Variants in ZNF451 observed in about 807,000 individuals in gnomAD.
ZNF451 encodes the protein zinc finger protein 451, also known as E3 SUMO-protein ligase ZNF451.
Under a neutral mutation model 107.1 loss-of-function variants are expected in ZNF451, and 80 were observed. The ratio of observed to expected loss-of-function variants is 0.75; its 90% CI spans 0.62 to 0.90. The LOEUF (loss-of-function observed/expected upper bound fraction) is 0.90, where lower values mean the gene tolerates loss of function less well. ZNF451 is among the 40% of genes least tolerant of loss of function. The pLI, the probability that ZNF451 is intolerant of heterozygous loss-of-function variation, is 0.00. For synonymous variants in ZNF451, 362 were observed against 406.5 expected (o/e 0.89, Z 1.32); for missense variants, 1,107 against 1,236.2 (o/e 0.90, Z 1.57).
At chr6:57,157,777 T>C (rs1046813085) in intron 13 of ZNF451, among the ~76,000 whole-genome samples, 12 of 152,200 alleles carry the variant, frequency 7.9e-5, no homozygotes, top group African/African-American at 2.2e-4. Flanking sequence ...AGACCATTTA[T>C]ATTTTATTCC....
At chr6:57,113,077 G>A (rs970721236) in intron 3 of ZNF451, among the ~76,000 whole-genome samples, 1 of 151,980 alleles carries the variant, frequency 6.6e-6, no homozygotes, top group African/African-American at 2.4e-5. Flanking sequence ...GGGGTTTGGG[G>A]TACAGATTAT....
In ZNF451 at chr6:57,170,248, A is replaced by G. The variant is rs980536950; in HGVS notation, c.*1779A>G. The G allele has an allele frequency of 6.6e-6, 1 of 152,250 alleles. No homozygotes were observed. The highest frequency in any genetic ancestry group is 1.5e-5 in the Non-Finnish European group (1 of 68,044). 9.4% of individuals were successfully genotyped at this position (152,250 alleles called of 1,614,324 possible). ...CACAAGGAGATGTAATCGCTGTGTAACATCAGAGAAAGCTATATGGATTAT... is the reference window on the plus strand; with the variant it reads ...CACAAGGAGATGTAATCGCTGTGTAGCATCAGAGAAAGCTATATGGATTAT... On this transcript the variant is annotated 3_prime_UTR_variant, in exon 15 of 15. Coordinates refer to ENST00000370706, the MANE Select transcript of ZNF451 (RefSeq NM_001031623.3).
In ZNF451 at chr6:57,141,953, A is replaced by G; in HGVS notation, c.862A>G (p.Lys288Glu). 6.2e-7 allele frequency: 1 copy of G among 1,613,064 alleles called. No individual in the cohort carries two copies. The highest frequency in any genetic ancestry group is 8.5e-7 in the Non-Finnish European group (1 of 1,179,278). Residue 288 changes from lysine (K) to glutamate (E), a missense_variant, in exon 9 of 15, where the codon AAA (lysine) becomes GAA (glutamate). Lys to Glu is a moderately conservative substitution (Grantham distance 56, BLOSUM62 1). Transcript: ENST00000370706. The part of the protein sequence containing the change: ...FHQSFKLGDN[K>E]GIAHPISFPS... ...TAGTTTATTTTGTCTTTCAGATAAC[A>G]AAGGAATTGCACATCCAATATCTTT...
chr6:57,122,945 C>T (rs753963907), intron 3 of ZNF451, among the ~76,000 whole-genome samples: 14 of 152,056 alleles, frequency 9.2e-5, no homozygotes, highest in Non-Finnish European at 1.8e-4. Flanking sequence ...GAGGCTGAGG[C>T]GGGAGGATCA....
intron 3 of ZNF451, chr6:57,104,976 A>G: frequency 1.0e-6 from 1 of 984,096 alleles, no homozygotes; most frequent in Non-Finnish European, 1.2e-6. Flanking sequence ...TCTTGATTGC[A>G]AAAGAAATAT....
intron 13 of ZNF451, among the ~76,000 whole-genome samples, chr6:57,155,220 T>A (rs1763354504): frequency 6.6e-6 from 1 of 152,098 alleles, no homozygotes; most frequent in African/African-American, 2.4e-5. Context: ...GTGCAGTGGC[T>A]CACACCTGTA....
chr6:57,092,712 A>T (rs1275524127), intron 2 of ZNF451: 1 of 152,174 alleles, frequency 6.6e-6, no homozygotes, highest in African/African-American at 2.4e-5. Context: ...AAAAATGAGT[A>T]TTGTGATGTT....
chr6:57,124,619 G>C (rs891692841), intron 3 of ZNF451, 115 bp from the exon 4 acceptor site: 1 of 781,398 alleles, frequency 1.3e-6, no homozygotes, highest in Non-Finnish European at 2.1e-6. Flanking sequence ...ACACAAAATA[G>C]GTTCTTATAA....
chr6:57,155,289 C>T (rs956086914), intron 13 of ZNF451, among the ~76,000 whole-genome samples: 2 of 152,106 alleles, frequency 1.3e-5, no homozygotes, highest in African/African-American at 4.8e-5. Flanking sequence ...AGTTCAAGAC[C>T]AGCCTGGTCA....
At position 57,111,520 on chromosome 6, in the gene ZNF451, G is replaced by A. The variant is rs141282831; in HGVS notation, c.186+12379G>A. Among the ~76,000 whole-genome samples the A allele has an allele frequency of 4.6e-5, 7 of 151,892 alleles. No homozygotes were observed. The East Asian group carries it at 1.2e-3, about 25-fold the overall frequency. ...CTCAGCCTCCCGAGTAGCTGGAATC[G>A]CAGGCACCTGCCACCATGCTCAACT... On this transcript the variant is annotated intron_variant, in intron 3 of 14. Transcript: ENST00000370706.
At chr6:57,102,138 A>G (rs1829629902) in intron 3 of ZNF451, 2 of 1,457,196 alleles carry the variant, frequency 1.4e-6, no homozygotes, top group Admixed American at 2.8e-5. Flanking sequence ...TCAAGATCCT[A>G]ACTATTTTAC....
chr6:57,158,668 C>T (rs1330584358), intron 13 of ZNF451: 2 of 985,290 alleles, frequency 2.0e-6, no homozygotes, highest in Non-Finnish European at 2.4e-6. Context: ...TTCCAGGGCA[C>T]ACAGAAGTTA....
chr6:57,162,946 T>C (rs1019331590), intron 14 of ZNF451, among the ~76,000 whole-genome samples: 1 of 152,188 alleles, frequency 6.6e-6, no homozygotes, highest in South Asian at 2.1e-4. Context: ...CTAGTTGTCA[T>C]AGTTAAAATA....
At chr6:57,134,932 G>T (rs912705066) in intron 7 of ZNF451, 62 bp downstream of exon 7, 19 of 1,407,296 alleles carry the variant, frequency 1.4e-5, no homozygotes, top group African/African-American at 1.4e-5. Flanking sequence ...TTAAGTGGAG[G>T]TTTTTTCCTG....
chr6:57,107,347 C>G (rs1390878597), intron 3 of ZNF451: 1 of 983,074 alleles, frequency 1.0e-6, no homozygotes, highest in African/African-American at 1.8e-5. Flanking sequence ...ATTTAAATAC[C>G]ATGTCTTTAA....
intron 13 of ZNF451, among the ~76,000 whole-genome samples, chr6:57,156,177 A>C (rs985200357): frequency 6.6e-6 from 1 of 152,152 alleles, no homozygotes; most frequent in Admixed American, 6.5e-5. Flanking sequence ...TAGCCACTAC[A>C]TTTTTAATGT....
chr6:57,150,433 T>A (rs1392104094), intron 10 of ZNF451: 2 of 241,016 alleles, frequency 8.3e-6, no homozygotes, highest in Admixed American at 1.1e-4. Context: ...TTAAAAAAAT[T>A]CCTTGTATAA....
intron 7 of ZNF451, among the ~76,000 whole-genome samples, chr6:57,138,777 A>G (rs183726859): frequency 0.15 from 11,523 of 77,206 alleles, 753 homozygotes; most frequent in African/African-American, 0.21. Context: ...GTGTGTGTGT[A>G]TATATATATA....
In ZNF451 at chr6:57,104,809, T is replaced by TA. The variant is rs1409551135; in HGVS notation, c.186+5669dup. ...ATCCTTTCTTAGTTACTCTAACTGATATGCCCAAGTGTCTCCAGATACTCT... is the reference window on the plus strand; with the variant it reads ...ATCCTTTCTTAGTTACTCTAACTGATAATGCCCAAGTGTCTCCAGATACTCT... On this transcript the variant is annotated intron_variant, in intron 3 of 14. Transcript: ENST00000370706. 7 of 985,442 alleles carry TA rather than the reference T, an allele frequency of 7.1e-6. No individual in the cohort carries two copies. The East Asian group carries it at 6.8e-4, about 96-fold the overall frequency. 61.0% of individuals were successfully genotyped at this position (985,442 alleles called of 1,614,324 possible). A position where few individuals can be genotyped will look rare whatever the true frequency, so the allele number is the denominator to read the frequency against.
Sources: gnomAD v4.1 joint callset for allele counts (sites outside exome capture counted in the v4.1 genomes callset) on GRCh38, gnomAD v4.1.1 for gene constraint, MANE v1.5 for transcripts, NCBI Gene and HGNC (gene_info 2026-07-23, HGNC 2026-07-21) for gene names.